XYLT1: variants seen among roughly 807,000 people sequenced by gnomAD.
XYLT1 encodes beta-D-xylosyltransferase 1.
A neutral mutation model predicts 91.3 loss-of-function variants in XYLT1; 36 were observed. The observed-to-expected ratio is 0.39, with a 90% CI of 0.30 to 0.52. The LOEUF is 0.52. XYLT1 is among the 20% of genes least tolerant of loss of function. The probability of loss-of-function intolerance (pLI) is 0.68; values close to 1 mark genes in which losing one functional copy is unlikely to be tolerated. For missense variants in XYLT1, 1,242 were observed against 1,284.5 expected (o/e 0.97, Z 0.51); for synonymous variants, 588 against 532.0 (o/e 1.11, Z -1.45).
At chr16:17,459,745 A>G (rs1567210986) in intron 1 of XYLT1, among the ~76,000 whole-genome samples, 1 of 152,188 alleles carries the variant, frequency 6.6e-6, no homozygotes, top group Non-Finnish European at 1.5e-5. Context: ...CCCAAACCAT[A>G]AAGAGCATGA....
At chr16:17,334,977 A>G (rs561322626) in intron 2 of XYLT1, among the ~76,000 whole-genome samples, 2 of 152,184 alleles carry the variant, frequency 1.3e-5, no homozygotes, top group South Asian at 2.1e-4. Flanking sequence ...TAATCCCAGC[A>G]CTCTAGGAGG....
At chr16:17,442,490 C>T (rs1036348766) in intron 1 of XYLT1, among the ~76,000 whole-genome samples, 27 of 152,226 alleles carry the variant, frequency 1.8e-4, no homozygotes, top group Non-Finnish European at 2.9e-4. Flanking sequence ...TCTGTGAGGG[C>T]GGTTCTGAAT....
At chr16:17,339,075 G>A (rs946006726) in intron 2 of XYLT1, among the ~76,000 whole-genome samples, 5 of 152,202 alleles carry the variant, frequency 3.3e-5, no homozygotes, top group Admixed American at 6.5e-5. Flanking sequence ...TTTAAATAAT[G>A]TGGAATCCTG....
chr16:17,238,184 C>T (rs1357357427), intron 3 of XYLT1, among the ~76,000 whole-genome samples: 1 of 152,188 alleles, frequency 6.6e-6, no homozygotes, highest in Non-Finnish European at 1.5e-5. Context: ...GTAATTTATT[C>T]CCATTAATCC....
chr16:17,406,592 T>C (rs1328172721), intron 1 of XYLT1, among the ~76,000 whole-genome samples: 1 of 152,158 alleles, frequency 6.6e-6, no homozygotes, highest in African/African-American at 2.4e-5. Flanking sequence ...TGCAGGGAGC[T>C]GATGAGTCAT....
chr16:17,373,994 T>C (rs988138235), intron 1 of XYLT1, among the ~76,000 whole-genome samples: 1 of 152,196 alleles, frequency 6.6e-6, no homozygotes, highest in African/African-American at 2.4e-5. Flanking sequence ...TGATAAATGC[T>C]GCCAAAGGGG....
intron 1 of XYLT1, among the ~76,000 whole-genome samples, chr16:17,395,869 C>T (rs1373044632): frequency 6.6e-6 from 1 of 152,190 alleles, no homozygotes; most frequent in Non-Finnish European, 1.5e-5. Context: ...TCACTCTCAT[C>T]TGTTGGTTGG....
Position 17,378,251 on chromosome 16 carries a change from A to T in XYLT1, c.364-20201T>A, listed in dbSNP as rs61147871. On this transcript the variant is annotated intron_variant, in intron 1 of 11. Coordinates refer to ENST00000261381, the MANE Select transcript of XYLT1 (RefSeq NM_022166.4). ...ATATGCATGGGTGTGTGTGAGAAAGAGGAAGAGACTGCAGTTCCCATACCA... is the reference window on the plus strand; with the variant it reads ...ATATGCATGGGTGTGTGTGAGAAAGTGGAAGAGACTGCAGTTCCCATACCA... Among the ~76,000 whole-genome samples, 1,800 of 152,240 alleles carry T rather than the reference A, an allele frequency of 0.012. 126 individuals are homozygous for T. In the East Asian group the frequency reaches 0.21, roughly 18 times the overall value.
chr16:17,133,393 A>AGAGAGAATG (rs1281966379), intron 9 of XYLT1, among the ~76,000 whole-genome samples: 1 of 152,202 alleles, frequency 6.6e-6, no homozygotes, highest in Non-Finnish European at 1.5e-5. Context: ...AATAATCAAA[A>AGAGAGAATG]GAGAGAATGG....
intron 3 of XYLT1, among the ~76,000 whole-genome samples, chr16:17,240,095 T>C (rs750658914): frequency 6.6e-6 from 1 of 152,210 alleles, no homozygotes; most frequent in Non-Finnish European, 1.5e-5. Flanking sequence ...ATAAATGCTA[T>C]AAAAGAAAAG....
At chr16:17,221,658 G>A (rs980630524) in intron 3 of XYLT1, among the ~76,000 whole-genome samples, 1 of 152,182 alleles carries the variant, frequency 6.6e-6, no homozygotes, top group East Asian at 1.9e-4. Flanking sequence ...AGGATCGCTT[G>A]AGCCTGGGAG....
intron 1 of XYLT1, among the ~76,000 whole-genome samples, chr16:17,400,814 G>A (rs1201296432): frequency 6.6e-6 from 1 of 152,034 alleles, no homozygotes; most frequent in African/African-American, 2.4e-5. Context: ...CCGGAGGAGG[G>A]GACACCTGAT....
chr16:17,466,350 T>C (rs1294503862), intron 1 of XYLT1, among the ~76,000 whole-genome samples: 2 of 152,202 alleles, frequency 1.3e-5, no homozygotes, highest in Non-Finnish European at 2.9e-5. Context: ...TATGACCTTA[T>C]GGATCATAAA....
intron 11 of XYLT1, among the ~76,000 whole-genome samples, chr16:17,117,297 T>C (rs150577228): frequency 1.8e-4 from 27 of 152,372 alleles, no homozygotes; most frequent in African/African-American, 6.5e-4. Context: ...CAGAATTTCC[T>C]GTTTTGATTT....
chr16:17,461,877 A>T (rs2036828716), intron 1 of XYLT1, among the ~76,000 whole-genome samples: 1 of 152,246 alleles, frequency 6.6e-6, no homozygotes, highest in South Asian at 2.1e-4. Flanking sequence ...TCAGTAAAAC[A>T]GAAATGAAAA....
chr16:17,168,771 G>A (rs191686860), intron 5 of XYLT1, among the ~76,000 whole-genome samples: 37 of 152,114 alleles, frequency 2.4e-4, no homozygotes, highest in Middle Eastern at 3.4e-3. Context: ...ATGCTGGCCC[G>A]GCCTCCAGGC....
At chr16:17,216,828 T>C (rs1257549942) in intron 3 of XYLT1, among the ~76,000 whole-genome samples, 1 of 152,170 alleles carries the variant, frequency 6.6e-6, no homozygotes. Context: ...ATCCTGCCTC[T>C]TGAAATATAA....
intron 2 of XYLT1, among the ~76,000 whole-genome samples, chr16:17,271,289 A>C (rs772062012): frequency 2.0e-5 from 3 of 152,140 alleles, no homozygotes; most frequent in Non-Finnish European, 4.4e-5. Context: ...ACAATACCCA[A>C]AGATCCAGAG....
intron 3 of XYLT1, among the ~76,000 whole-genome samples, chr16:17,211,054 A>G (rs190628674): frequency 2.0e-5 from 3 of 152,238 alleles, no homozygotes; most frequent in Non-Finnish European, 2.9e-5. Flanking sequence ...ACTTATGGCC[A>G]TGATGCAAAA....
Sources: gnomAD v4.1 joint callset for allele counts (sites outside exome capture counted in the v4.1 genomes callset) on GRCh38, gnomAD v4.1.1 for gene constraint, MANE v1.5 for transcripts, NCBI Gene and HGNC (gene_info 2026-07-23, HGNC 2026-07-21) for gene names.